PSD3: variants seen among roughly 807,000 people sequenced by gnomAD.
PSD3 encodes the protein PH and SEC7 domain-containing protein 3.
A neutral mutation model predicts 105.5 loss-of-function variants in PSD3; 49 were observed. The ratio of observed to expected loss-of-function variants is 0.46; its 90% CI spans 0.37 to 0.59. The LOEUF (loss-of-function observed/expected upper bound fraction) is 0.59, where lower values mean the gene tolerates loss of function less well. Among genes scored for constraint, PSD3 ranks in the 20% least tolerant of loss-of-function variants. The probability of loss-of-function intolerance (pLI) is 0.00; values close to 1 mark genes in which losing one functional copy is unlikely to be tolerated. For synonymous variants in PSD3, 557 were observed against 457.8 expected (o/e 1.22, Z -2.77); for missense variants, 1,561 against 1,263.8 (o/e 1.24, Z -3.57).
At chr8:18,838,171 C>T (rs1814287064) in intron 4 of PSD3, among the ~76,000 whole-genome samples, 1 of 152,190 alleles carries the variant, frequency 6.6e-6, no homozygotes, top group Admixed American at 6.5e-5. Flanking sequence ...CCTTACAACC[C>T]TGAGTGGGAC....
chr8:18,618,649 T>C (rs1176049382), intron 11 of PSD3, among the ~76,000 whole-genome samples: 8 of 152,112 alleles, frequency 5.3e-5, no homozygotes, highest in Non-Finnish European at 8.8e-5. Flanking sequence ...GTATTAGCCG[T>C]ATTTGATTGC....
At chr8:18,764,913 T>C (rs554565501) in intron 9 of PSD3, among the ~76,000 whole-genome samples, 8 of 152,298 alleles carry the variant, frequency 5.3e-5, no homozygotes, top group African/African-American at 1.9e-4. Context: ...GATTTTGTTG[T>C]CTCCTTGAAA....
intron 4 of PSD3, among the ~76,000 whole-genome samples, chr8:18,830,171 T>C (rs1813565648): frequency 6.6e-6 from 1 of 152,070 alleles, no homozygotes; most frequent in South Asian, 2.1e-4. Flanking sequence ...TGAACTACTG[T>C]CCTCAAGTGA....
At chr8:18,738,044 G>C (rs1006239986) in intron 9 of PSD3, among the ~76,000 whole-genome samples, 1 of 152,152 alleles carries the variant, frequency 6.6e-6, no homozygotes, top group African/African-American at 2.4e-5. Context: ...TAATCAGTGT[G>C]AAATTGGGAG....
intron 1 of PSD3, among the ~76,000 whole-genome samples, chr8:19,023,932 C>A (rs890217065): frequency 6.6e-6 from 1 of 152,188 alleles, no homozygotes; most frequent in Non-Finnish European, 1.5e-5. Flanking sequence ...CAGCACTATG[C>A]ACTGTACTGT....
At chr8:19,076,793 TCTCTC>T (rs1190151230) in intron 1 of PSD3, among the ~76,000 whole-genome samples, 8 of 152,158 alleles carry the variant, frequency 5.3e-5, no homozygotes, top group African/African-American at 1.9e-4. Context: ...CTCCCTTCCT[TCTCTC>T]CTCACCCTTC....
At chr8:18,545,536 A>C (rs1800404983) in intron 15 of PSD3, among the ~76,000 whole-genome samples, 1 of 152,272 alleles carries the variant, frequency 6.6e-6, no homozygotes, top group African/African-American at 2.4e-5. Flanking sequence ...CACTTACCCA[A>C]GATAAGTAAT....
chr8:18,964,171 C>G (rs1229270292), intron 1 of PSD3, among the ~76,000 whole-genome samples: 1 of 152,156 alleles, frequency 6.6e-6, no homozygotes, highest in African/African-American at 2.4e-5. Context: ...GTAACCAAGT[C>G]TAGAGCACAA....
chr8:18,714,743 C>G (rs1157934367), intron 9 of PSD3, among the ~76,000 whole-genome samples: 1 of 152,236 alleles, frequency 6.6e-6, no homozygotes, highest in African/African-American at 2.4e-5. Context: ...AGACCTAGAA[C>G]CAGAAATACA....
At chr8:19,045,932 C>A (rs1329753899) in intron 1 of PSD3, among the ~76,000 whole-genome samples, 1 of 152,206 alleles carries the variant, frequency 6.6e-6, no homozygotes, top group Non-Finnish European at 1.5e-5. Context: ...CAAGTCATTT[C>A]TTTTAAATCT....
chr8:18,818,877 A>C (rs1812449633), intron 4 of PSD3, among the ~76,000 whole-genome samples: 1 of 152,088 alleles, frequency 6.6e-6, no homozygotes, highest in African/African-American at 2.4e-5. Flanking sequence ...CCTTGGACTG[A>C]TAAATGGGGG....
At chr8:18,938,687 C>A (rs1192011686) in intron 1 of PSD3, among the ~76,000 whole-genome samples, 2 of 150,862 alleles carry the variant, frequency 1.3e-5, no homozygotes, top group African/African-American at 4.9e-5. Context: ...TAGATACTAA[C>A]CACTTACTCT....
intron 15 of PSD3, among the ~76,000 whole-genome samples, chr8:18,548,610 C>T (rs1391125422): frequency 2.0e-5 from 3 of 152,160 alleles, no homozygotes; most frequent in African/African-American, 4.8e-5. Flanking sequence ...GTGCTGAGAG[C>T]CTCCCATTTG....
chr8:18,929,818 G>A (rs879898580), intron 2 of PSD3, among the ~76,000 whole-genome samples: 1 of 148,866 alleles, frequency 6.7e-6, no homozygotes, highest in Non-Finnish European at 1.5e-5. Flanking sequence ...ATAATCTCAG[G>A]GGGAAAAAAA....
intron 8 of PSD3, among the ~76,000 whole-genome samples, chr8:18,797,337 GC>G (rs1810279001): frequency 6.6e-6 from 1 of 152,028 alleles, no homozygotes; most frequent in African/African-American, 2.4e-5. Flanking sequence ...CAGTAATTTT[GC>G]CACGACTGCC....
intron 9 of PSD3, among the ~76,000 whole-genome samples, chr8:18,709,151 G>A (rs11203987): frequency 8.6e-5 from 13 of 152,036 alleles, no homozygotes; most frequent in East Asian, 1.9e-4. Context: ...CCAATTGGCC[G>A]TTTTCTCCTG....
intron 1 of PSD3, among the ~76,000 whole-genome samples, chr8:19,045,287 C>A (rs964218934): frequency 2.6e-5 from 4 of 152,148 alleles, no homozygotes; most frequent in Admixed American, 6.6e-5. Flanking sequence ...TTATTTCTTA[C>A]AGTCAGTAAA....
At chr8:18,547,857 C>T (rs1487335235) in intron 15 of PSD3, among the ~76,000 whole-genome samples, 1 of 152,166 alleles carries the variant, frequency 6.6e-6, no homozygotes, top group Non-Finnish European at 1.5e-5. Context: ...GGGAAGTATT[C>T]AGTCTTTAAA....
rs1396646575 is a variant in PSD3, at chr8:18,755,487, A to ATAACATAACATAACATAAG, written c.2172+9961_2172+9962insCTTATGTTATGTTATGTTA. ...CATAACATAACATAACATAACATAA[A>ATAACATAACATAACATAAG]AATGCTCCAAACATACAAACATTCA... On this transcript the variant is annotated intron_variant, in intron 9 of 15. Transcript: ENST00000327040. Among the ~76,000 whole-genome samples, 139 of 80,816 alleles carry ATAACATAACATAACATAAG rather than the reference A, an allele frequency of 1.7e-3. 1 individual carries two copies. The highest frequency in any genetic ancestry group is 8.8e-3 in the South Asian group (22 of 2,490). 53.0% of individuals were successfully genotyped at this position (80,816 alleles called of 152,430 possible). A position where few individuals can be genotyped will look rare whatever the true frequency, so the allele number is the denominator to read the frequency against.
Sources: gnomAD v4.1 joint callset for allele counts (sites outside exome capture counted in the v4.1 genomes callset) on GRCh38, gnomAD v4.1.1 for gene constraint, MANE v1.5 for transcripts, NCBI Gene and HGNC (gene_info 2026-07-23, HGNC 2026-07-21) for gene names.